The following MAP2K6 variants were observed in gnomAD, a reference collection of about 807,000 sequenced individuals.
MAP2K6 encodes the protein dual specificity mitogen-activated protein kinase kinase 6.
In MAP2K6, 16 loss-of-function variants were observed where a neutral mutation model predicts 53.7. That is an observed-to-expected ratio of 0.30 (90% confidence interval 0.20 to 0.45). The LOEUF (loss-of-function observed/expected upper bound fraction) is 0.45. Among genes scored for constraint, MAP2K6 ranks in the 20% least tolerant of loss-of-function variants. The pLI is 1.00. For synonymous variants in MAP2K6, 132 were observed against 143.1 expected (o/e 0.92, Z 0.55); for missense variants, 204 against 411.9 (o/e 0.50, Z 4.37).
Position 69,543,776 on chromosome 17 carries a change from T to C in MAP2K6, c.*2023T>C, listed in dbSNP as rs559025871. ...ATTACTCTTACCTGTTTTTCCACTT[T>C]GAGACATTCTAAACAGAATGTGTAA... is the stretch of plus-strand genomic sequence containing the variant. On this transcript the variant is annotated 3_prime_UTR_variant, in exon 12 of 12. Transcript: ENST00000590474. 5.4e-4 allele frequency: 82 copies of C among 152,318 alleles called. No individual in the cohort carries two copies. The highest frequency in any genetic ancestry group is 1.9e-3 in the African/African-American group (81 of 41,570). The allele number at this position is 152,318 out of a possible 1,614,324, so 9.4% of individuals were successfully genotyped here.
intron 1 of MAP2K6, among the ~76,000 whole-genome samples, chr17:69,485,997 G>A (rs894934663): frequency 3.3e-5 from 5 of 152,098 alleles, no homozygotes; most frequent in Admixed American, 2.6e-4. Flanking sequence ...TGAAAAGTCT[G>A]TGTATTTTCC....
chr17:69,450,055 C>T (rs1293069098), intron 1 of MAP2K6, among the ~76,000 whole-genome samples: 2 of 151,720 alleles, frequency 1.3e-5, no homozygotes, highest in African/African-American at 4.8e-5. Context: ...CTGCATCAGC[C>T]TTCCAAGTAG....
chr17:69,546,240 C>T lies in MAP2K6; in HGVS notation c.*4487C>T, dbSNP rs942600057. The T allele has an allele frequency of 1.3e-5, 2 of 152,140 alleles. No individual in the cohort carries two copies. The highest frequency in any genetic ancestry group is 4.8e-5 in the African/African-American group (2 of 41,418). 9.4% of individuals were successfully genotyped at this position (152,140 alleles called of 1,614,324 possible). ...TATTATTAGTATTCTTCTTGCTTGCCATTGGCTAATTCATTTTTTAACTGC... is the reference window on the plus strand; with the variant it reads ...TATTATTAGTATTCTTCTTGCTTGCTATTGGCTAATTCATTTTTTAACTGC... On this transcript the variant is annotated 3_prime_UTR_variant, in exon 12 of 12. Coordinates refer to ENST00000590474, the MANE Select transcript of MAP2K6 (RefSeq NM_002758.4).
intron 1 of MAP2K6, chr17:69,433,817 G>A (rs981476382): frequency 3.9e-5 from 6 of 152,126 alleles, no homozygotes; most frequent in African/African-American, 1.4e-4. Flanking sequence ...GAAATGACAC[G>A]AGTATCTAGA....
At chr17:69,450,076 AG>A (rs1354546261) in intron 1 of MAP2K6, among the ~76,000 whole-genome samples, 1 of 149,102 alleles carries the variant, frequency 6.7e-6, no homozygotes, top group Non-Finnish European at 1.5e-5. Flanking sequence ...CTGGGACTAC[AG>A]GTGTGCACTA....
intron 10 of MAP2K6, among the ~76,000 whole-genome samples, chr17:69,528,074 A>ACT (rs1267269029): frequency 1.4e-4 from 19 of 132,656 alleles, no homozygotes; most frequent in Non-Finnish European, 2.8e-4. Flanking sequence ...ACGCCATTGC[A>ACT]CTCCAGCCTG....
chr17:69,524,788 G>A, intron 8 of MAP2K6, 113 bp from the exon 9 acceptor site: 2 of 711,456 alleles, frequency 2.8e-6, no homozygotes, highest in East Asian at 5.4e-5. Context: ...CATGTTAACA[G>A]CTTATAACAA....
chr17:69,474,225 T>C (rs1908066285), intron 1 of MAP2K6, among the ~76,000 whole-genome samples: 1 of 152,342 alleles, frequency 6.6e-6, no homozygotes, highest in African/African-American at 2.4e-5. Context: ...TAACACAATG[T>C]TGGGCATGTA....
At chr17:69,508,708 C>G (rs973176865) in intron 2 of MAP2K6, among the ~76,000 whole-genome samples, 2 of 152,154 alleles carry the variant, frequency 1.3e-5, no homozygotes, top group African/African-American at 4.8e-5. Flanking sequence ...AACCCTTTGC[C>G]TAGTCCTAGA....
At chr17:69,501,403 G>A (rs913805963) in intron 1 of MAP2K6, among the ~76,000 whole-genome samples, 23 of 152,288 alleles carry the variant, frequency 1.5e-4, no homozygotes, top group African/African-American at 5.3e-4. Context: ...CTCTCAGAGT[G>A]TGTGCAAGAC....
intron 1 of MAP2K6, among the ~76,000 whole-genome samples, chr17:69,489,220 CA>C (rs58968517): frequency 0.024 from 1,501 of 62,614 alleles, 10 homozygotes; most frequent in African/African-American, 0.075. Flanking sequence ...AACTCTGTCT[CA>C]AAAAAAAAAA....
chr17:69,517,693 A>G lies in MAP2K6; in HGVS notation c.246+80A>G. On this transcript the variant is annotated intron_variant, in intron 4 of 11. Coordinates refer to ENST00000590474, the MANE Select transcript of MAP2K6 (RefSeq NM_002758.4). ...CCTCAATTGTCAACCAGCCCTTTTAATAGAAGCAAAACCATCTTCCGTAGG... is the reference window on the plus strand; with the variant it reads ...CCTCAATTGTCAACCAGCCCTTTTAGTAGAAGCAAAACCATCTTCCGTAGG... The G allele has an allele frequency of 5.5e-6, 5 of 903,598 alleles. No individual in the cohort carries two copies. In the South Asian group the frequency reaches 1.3e-4, roughly 23 times the overall value. 56.0% of individuals were successfully genotyped at this position (903,598 alleles called of 1,614,324 possible).
At position 69,544,391 on chromosome 17, in the gene MAP2K6, G is replaced by GT. The variant is rs1289815341; in HGVS notation, c.*2639dup. ...GGTTTTGTTTTTGGAAAACTGTGTT[G>GT]TAAGTGCCAATCAACCAACTTTTGA... On this transcript the variant is annotated 3_prime_UTR_variant, in exon 12 of 12. Coordinates refer to ENST00000590474, the MANE Select transcript of MAP2K6 (RefSeq NM_002758.4). The GT allele has an allele frequency of 1.3e-5, 2 of 152,204 alleles. No homozygotes were observed. The highest frequency in any genetic ancestry group is 4.8e-5 in the African/African-American group (2 of 41,456). 9.4% of individuals were successfully genotyped at this position (152,204 alleles called of 1,614,324 possible).
chr17:69,506,406 TTG>T (rs779173373), intron 2 of MAP2K6, among the ~76,000 whole-genome samples: 125 of 121,940 alleles, frequency 1.0e-3, no homozygotes, highest in South Asian at 2.3e-3. Flanking sequence ...TGTCTCCTTC[TTG>T]TTTTTTTTTT....
At chr17:69,449,152 T>C (rs928877733) in intron 1 of MAP2K6, among the ~76,000 whole-genome samples, 1 of 152,246 alleles carries the variant, frequency 6.6e-6, no homozygotes, top group Admixed American at 6.5e-5. Flanking sequence ...ACTTACTAGC[T>C]GTGTAGTCTT....
intron 4 of MAP2K6, among the ~76,000 whole-genome samples, chr17:69,518,735 T>C (rs1910304986): frequency 1.3e-5 from 2 of 152,244 alleles, no homozygotes; most frequent in Non-Finnish European, 2.9e-5. Flanking sequence ...CCAGTGATAT[T>C]GTATCTCTCC....
intron 1 of MAP2K6, among the ~76,000 whole-genome samples, chr17:69,421,432 A>G (rs62080948): frequency 0.034 from 5,219 of 152,248 alleles, 142 homozygotes; most frequent in Non-Finnish European, 0.053. Context: ...AATCCCATCC[A>G]ATAGAATTGA....
At chr17:69,528,455 T>C (rs979031759) in intron 10 of MAP2K6, among the ~76,000 whole-genome samples, 3 of 152,144 alleles carry the variant, frequency 2.0e-5, no homozygotes, top group African/African-American at 4.8e-5. Flanking sequence ...TTGACCTGGG[T>C]TCATGATTTT....
intron 10 of MAP2K6, among the ~76,000 whole-genome samples, chr17:69,530,040 C>T (rs940863019): frequency 1.4e-4 from 21 of 152,156 alleles, no homozygotes; most frequent in African/African-American, 5.1e-4. Context: ...TCTCAGCTTT[C>T]CTGAAACTGT....
Sources: allele counts gnomAD v4.1 joint callset (sites outside exome capture counted in the v4.1 genomes callset), GRCh38; gene constraint gnomAD v4.1.1; transcripts MANE v1.5; gene names NCBI Gene and HGNC (gene_info 2026-07-23, HGNC 2026-07-21).